Variants in PTPRD observed in about 807,000 individuals in gnomAD.
PTPRD encodes protein tyrosine phosphatase receptor type D.
Under a neutral mutation model 214.5 loss-of-function variants are expected in PTPRD, and 34 were observed. The observed-to-expected ratio is 0.16, with a 90% CI of 0.12 to 0.21. The LOEUF (loss-of-function observed/expected upper bound fraction) is 0.21. PTPRD is among the 10% of genes least tolerant of loss of function. The probability of loss-of-function intolerance (pLI) is 1.00; values close to 1 mark genes in which losing one functional copy is unlikely to be tolerated. For synonymous variants in PTPRD, 1,128 were observed against 845.7 expected (o/e 1.33, Z -5.79); for missense variants, 2,545 against 2,398.7 (o/e 1.06, Z -1.27).
At chr9:8,976,702 C>T (rs2099269724) in intron 11 of PTPRD, among the ~76,000 whole-genome samples, 1 of 152,076 alleles carries the variant, frequency 6.6e-6, no homozygotes, top group African/African-American at 2.4e-5. Context: ...ATTTTCCTTA[C>T]ATCCTCTCTA....
intron 11 of PTPRD, among the ~76,000 whole-genome samples, chr9:8,784,030 T>C (rs2095844030): frequency 6.6e-6 from 1 of 152,154 alleles, no homozygotes; most frequent in African/African-American, 2.4e-5. Context: ...GCTTTCTTAT[T>C]GGAGCTGTGA....
intron 8 of PTPRD, among the ~76,000 whole-genome samples, chr9:9,518,892 A>AT (rs1259100012): frequency 6.6e-6 from 1 of 152,012 alleles, no homozygotes; most frequent in Non-Finnish European, 1.5e-5. Context: ...CCCTCCCTTG[A>AT]TTAATTTGCT....
In PTPRD at chr9:8,484,396, A is replaced by G; in HGVS notation, c.3154-18T>C. On this transcript the variant is annotated intron_variant, in intron 29 of 45. Coordinates refer to ENST00000381196, the MANE Select transcript of PTPRD (RefSeq NM_002839.4). ...TAAAGAATCTAAAGAGATAAAACCA[A>G]TAAAAAAAAAATCTGGTTATCAGAG... 6.3e-7 allele frequency: 1 copy of G among 1,585,180 alleles called. No individual in the cohort carries two copies.
At chr9:9,251,344 C>G (rs557562754) in intron 9 of PTPRD, among the ~76,000 whole-genome samples, 1 of 152,192 alleles carries the variant, frequency 6.6e-6, no homozygotes, top group East Asian at 1.9e-4. Flanking sequence ...AATACTTCAT[C>G]CCTGCCTACT....
chr9:9,984,300 G>T (rs2095636357), intron 4 of PTPRD, among the ~76,000 whole-genome samples: 1 of 152,134 alleles, frequency 6.6e-6, no homozygotes, highest in Admixed American at 6.5e-5. Context: ...TAGAATATAA[G>T]AAAACTTTTC....
intron 5 of PTPRD, among the ~76,000 whole-genome samples, chr9:9,905,755 G>A (rs1275436396): frequency 6.6e-6 from 1 of 151,894 alleles, no homozygotes; most frequent in Non-Finnish European, 1.5e-5. Context: ...AAAACTGGAC[G>A]AGTAGATAAA....
At chr9:9,128,172 C>T (rs575255881) in intron 10 of PTPRD, among the ~76,000 whole-genome samples, 2 of 152,244 alleles carry the variant, frequency 1.3e-5, no homozygotes, top group East Asian at 3.9e-4. Flanking sequence ...TGTGTGTGAC[C>T]ATGATGCTTT....
intron 12 of PTPRD, among the ~76,000 whole-genome samples, chr9:8,648,994 C>T (rs2096751620): frequency 6.6e-6 from 1 of 152,096 alleles, no homozygotes; most frequent in Non-Finnish European, 1.5e-5. Context: ...CATGTACCTG[C>T]AAATTGGGTC....
At chr9:10,258,405 AG>A (rs2093444141) in intron 3 of PTPRD, among the ~76,000 whole-genome samples, 1 of 152,174 alleles carries the variant, frequency 6.6e-6, no homozygotes. Flanking sequence ...AAGAGAACAG[AG>A]GAACATAGGC....
At chr9:9,841,088 C>G (rs1416000046) in intron 5 of PTPRD, among the ~76,000 whole-genome samples, 1 of 152,020 alleles carries the variant, frequency 6.6e-6, no homozygotes, top group African/African-American at 2.4e-5. Context: ...GTGTTTTTGT[C>G]TATTTTTCTT....
intron 32 of PTPRD, among the ~76,000 whole-genome samples, chr9:8,462,651 A>T (rs545033560): frequency 3.3e-5 from 5 of 152,002 alleles, no homozygotes; most frequent in African/African-American, 1.2e-4. Flanking sequence ...TAGCTCCTGA[A>T]ATTGAACAAC....
chr9:9,330,899 G>A (rs980108305), intron 9 of PTPRD, among the ~76,000 whole-genome samples: 19 of 150,904 alleles, frequency 1.3e-4, no homozygotes, highest in African/African-American at 4.6e-4. Flanking sequence ...TTGGGGAAAA[G>A]AAGAGCTTTT....
chr9:9,776,223 G>A (rs1350271142), intron 5 of PTPRD, among the ~76,000 whole-genome samples: 1 of 151,968 alleles, frequency 6.6e-6, no homozygotes, highest in Non-Finnish European at 1.5e-5. Flanking sequence ...CCTTGTTCTT[G>A]GAATACCCTT....
chr9:8,810,796 A>C (rs1315707263), intron 11 of PTPRD, among the ~76,000 whole-genome samples: 1 of 152,180 alleles, frequency 6.6e-6, no homozygotes, highest in Non-Finnish European at 1.5e-5. Flanking sequence ...AAGTGGGACA[A>C]AGGAAGAATA....
At chr9:9,809,164 T>C (rs1170289359) in intron 5 of PTPRD, among the ~76,000 whole-genome samples, 2 of 152,136 alleles carry the variant, frequency 1.3e-5, no homozygotes, top group Admixed American at 6.5e-5. Flanking sequence ...TCAATGTGCA[T>C]GTTAATAGGT....
chr9:9,457,359 C>T (rs192518842), intron 8 of PTPRD, among the ~76,000 whole-genome samples: 1 of 152,072 alleles, frequency 6.6e-6, no homozygotes. Flanking sequence ...TATCAAAGTC[C>T]TCTCTTGGGC....
intron 11 of PTPRD, among the ~76,000 whole-genome samples, chr9:8,797,926 G>C (rs991119581): frequency 6.6e-6 from 1 of 150,660 alleles, no homozygotes; most frequent in African/African-American, 2.4e-5. Flanking sequence ...CTGGAGTGCA[G>C]TGGCAAAGAT....
intron 12 of PTPRD, among the ~76,000 whole-genome samples, chr9:8,726,591 ATATATATATATATATATATATATATATAT>A (rs1565593815): frequency 0.54 from 6,332 of 11,630 alleles, 2,504 homozygotes; most frequent in Admixed American, 0.58. Context: ...AAAAAAAAAT[ATATATATATATATATATATATATATATAT>A]ATATATATAT....
At chr9:8,599,673 G>C (rs894691923) in intron 14 of PTPRD, among the ~76,000 whole-genome samples, 4 of 138,982 alleles carry the variant, frequency 2.9e-5, no homozygotes, top group African/African-American at 8.2e-5. Flanking sequence ...GCCCAGGCTG[G>C]AGTGCAACGG....
Sources: gnomAD v4.1 joint callset for allele counts (sites outside exome capture counted in the v4.1 genomes callset) on GRCh38, gnomAD v4.1.1 for gene constraint, MANE v1.5 for transcripts, NCBI Gene and HGNC (gene_info 2026-07-23, HGNC 2026-07-21) for gene names.